The following SHOX variants were observed in gnomAD, a reference collection of about 807,000 sequenced individuals.
SHOX encodes short stature homeobox protein.
A neutral mutation model predicts 29.6 loss-of-function variants in SHOX; 12 were observed. The observed-to-expected ratio is 0.41, with a 90% CI of 0.26 to 0.66. The LOEUF (loss-of-function observed/expected upper bound fraction) is 0.66, where lower values mean the gene tolerates loss of function less well. SHOX is among the 30% of genes least tolerant of loss of function. The pLI, the probability that SHOX is intolerant of heterozygous loss-of-function variation, is 0.35. For synonymous variants in SHOX, 214 were observed against 200.6 expected (o/e 1.07, Z -0.57); for missense variants, 499 against 437.7 (o/e 1.14, Z -1.25).
upstream of SHOX, among the ~76,000 whole-genome samples, chrX:630,311 C>G (rs1011241769): frequency 6.6e-6 from 1 of 151,050 alleles, no homozygotes; most frequent in Non-Finnish European, 1.5e-5. Flanking sequence ...GCCCGGATCC[C>G]CCCCTCGCCA....
At chrX:633,485 G>A (rs1336991277) in intron 1 of SHOX, among the ~76,000 whole-genome samples, 1 of 152,054 alleles carries the variant, frequency 6.6e-6, no homozygotes, top group African/African-American at 2.4e-5. Context: ...GCTCGGGGTG[G>A]GGTGGGAGGG....
intron 4 of SHOX, among the ~76,000 whole-genome samples, chrX:643,932 A>G (rs2124192371): frequency 8.2e-6 from 1 of 121,812 alleles, no homozygotes; most frequent in South Asian, 2.7e-4. Context: ...AGGCTTGGGG[A>G]CCTGGTGATC....
In SHOX at chrX:651,425, A is replaced by G. The variant is rs1318939953; in HGVS notation, c.*6789A>G. On this transcript the variant is annotated 3_prime_UTR_variant, in exon 5 of 5. Transcript: ENST00000686671. ...AACAAACAAACAGAAAAAAAAACCA[A>G]AAAAAACCACCCTGAGTTTCTCTGG... The G allele has an allele frequency of 2.9e-5, 13 of 453,764 alleles. No individual in the cohort carries two copies. The highest frequency in any genetic ancestry group is 1.9e-4 in the South Asian group (12 of 63,700). 28.1% of individuals were successfully genotyped at this position (453,764 alleles called of 1,614,324 possible).
At chrX:656,060 C>A (rs1354350267), downstream of SHOX, among the ~76,000 whole-genome samples, 2 of 145,674 alleles carry the variant, frequency 1.4e-5, no homozygotes, top group Admixed American at 6.8e-5. Context: ...TGCCTGTAAT[C>A]CCGGTATTCT....
Position 624,721 on chromosome X carries a change from C to CTT in SHOX, c.-433+121_-433+122dup, listed in dbSNP as rs1171831189. On this transcript the variant is annotated intron_variant, in intron 1 of 5. Coordinates refer to the SHOX transcript ENST00000334060. ...CTTTCTTTTCTTTCTTTCTTTCTTT[C>CTT]TTTCTTTCTTTCTTTCTTTTCTTTC... 5.1e-5 allele frequency: 7 copies of CTT among 137,062 alleles called. 1 individual carries two copies. In the East Asian group the frequency reaches 1.5e-3, roughly 29 times the overall value. 8.5% of individuals were successfully genotyped at this position (137,062 alleles called of 1,614,324 possible).
upstream of SHOX, among the ~76,000 whole-genome samples, chrX:626,348 ATC>A (rs2052533120): frequency 3.2e-5 from 1 of 31,634 alleles, no homozygotes; most frequent in Admixed American, 3.2e-4. Context: ...ATCTCTGTCT[ATC>A]TCTGTCTCTC....
chrX:630,580 A>C, upstream of SHOX: 2 of 487,872 alleles, frequency 4.1e-6, no homozygotes, highest in South Asian at 2.6e-5. Context: ...CAAAAATGGG[A>C]TCTTTCCCCC....
At chrX:635,400 T>C (rs2052727616) in intron 2 of SHOX, among the ~76,000 whole-genome samples, 4 of 152,210 alleles carry the variant, frequency 2.6e-5, no homozygotes, top group African/African-American at 9.7e-5. Context: ...AGGGGTGTCC[T>C]CTGTCCCTAG....
At chrX:658,971 G>A (rs749566350) in exon 6 of SHOX, 32 of 180,124 alleles carry the variant, frequency 1.8e-4, no homozygotes, top group South Asian at 6.9e-4. Flanking sequence ...GACCATGTTG[G>A]CCAGGCTGGT....
At chrX:625,655 CTCTG>C (rs2052514202) in intron 1 of SHOX, among the ~76,000 whole-genome samples, 1 of 148,724 alleles carries the variant, frequency 6.7e-6, no homozygotes, top group Non-Finnish European at 1.5e-5. Flanking sequence ...CTCTCTTTCT[CTCTG>C]TCTTCGTTCC....
At chrX:636,122 T>C (rs901883102) in intron 2 of SHOX, among the ~76,000 whole-genome samples, 5 of 150,766 alleles carry the variant, frequency 3.3e-5, no homozygotes, top group Non-Finnish European at 5.9e-5. Context: ...TCTTTCATTA[T>C]ATGTGTGTCT....
rs142298957 is a variant in SHOX at position 638,749 on chromosome X, C to T, written c.487-2072C>T. Among the ~76,000 whole-genome samples, 857 of 152,338 alleles carry T rather than the reference C, an allele frequency of 5.6e-3. 6 individuals are homozygous for T. Among genetic ancestry groups the T allele is most frequent in the Middle Eastern group, 0.02 (6 of 294 alleles). On this transcript the variant is annotated intron_variant, in intron 2 of 4. Transcript: ENST00000686671. ...TCTGAGGTTCCCTTCATAGGGGCAC[C>T]GGCCCTGGGCCATGCACAGTGTGTA...
Position 649,828 on chromosome X carries a change from G to T in SHOX, c.*5192G>T. The T allele has an allele frequency of 2.2e-6, 1 of 445,878 alleles. No homozygotes were observed. Among genetic ancestry groups the T allele is most frequent in the Non-Finnish European group, 4.5e-6 (1 of 221,818 alleles). 27.6% of individuals were successfully genotyped at this position (445,878 alleles called of 1,614,324 possible). On this transcript the variant is annotated 3_prime_UTR_variant, in exon 5 of 5. Coordinates refer to ENST00000686671, the MANE Select transcript of SHOX (RefSeq NM_000451.4). ...TTGGCCAAATAGTCCGTGGAGGGTTGTCAGTCGCCGCAGTTGAGCAAAAAA... is the reference window on the plus strand; with the variant it reads ...TTGGCCAAATAGTCCGTGGAGGGTTTTCAGTCGCCGCAGTTGAGCAAAAAA...
At chrX:631,267 A>T in intron 1 of SHOX, 93 bp downstream of exon 1, 1 of 1,474,690 alleles carries the variant, frequency 6.8e-7, no homozygotes, top group Non-Finnish European at 9.5e-7. Flanking sequence ...CTCGCTGTGC[A>T]CATTTGCAGC....
At chrX:653,855 AG>A (rs1310448807), downstream of SHOX, among the ~76,000 whole-genome samples, 3 of 152,272 alleles carry the variant, frequency 2.0e-5, no homozygotes, top group African/African-American at 7.2e-5. Flanking sequence ...ATGCAGAGAA[AG>A]CAAAAACACT....
chrX:624,906 C>CTTTCTTTCT (rs1301556296), intron 1 of SHOX, among the ~76,000 whole-genome samples: 1 of 80,702 alleles, frequency 1.2e-5, no homozygotes, highest in Admixed American at 1.1e-4. Flanking sequence ...TTCTTTCTCT[C>CTTTCTTTCT]TTCCTTTCTT....
At chrX:631,486 G>A (rs1243686793) in intron 1 of SHOX, among the ~76,000 whole-genome samples, 1 of 152,092 alleles carries the variant, frequency 6.6e-6, no homozygotes, top group Non-Finnish European at 1.5e-5. Flanking sequence ...GAAGCCGTAG[G>A]GCCTGAGATG....
chrX:624,931 T>TTTCTCTCTTCCTTTCTTTCTTTCTTTTC (rs1556451858), intron 1 of SHOX, among the ~76,000 whole-genome samples: 1 of 60,722 alleles, frequency 1.6e-5, no homozygotes, highest in African/African-American at 8.5e-5. Flanking sequence ...TCTTTCTTTC[T>TTTCTCTCTTCCTTTCTTTCTTTCTTTTC]TTTCTTTCTT....
chrX:636,221 T>C (rs1367639669), intron 2 of SHOX, among the ~76,000 whole-genome samples: 3 of 145,884 alleles, frequency 2.1e-5, no homozygotes, highest in Non-Finnish European at 3.0e-5. Flanking sequence ...TATAAACACA[T>C]ATATAATATA....
Sources: allele counts gnomAD v4.1 joint callset (sites outside exome capture counted in the v4.1 genomes callset), GRCh38; gene constraint gnomAD v4.1.1; transcripts MANE v1.5; gene names NCBI Gene and HGNC (gene_info 2026-07-23, HGNC 2026-07-21).